Variants in STX18 observed in about 807,000 individuals in gnomAD.
The protein encoded by STX18 is syntaxin-18.
In STX18, 40 loss-of-function variants were observed where a neutral mutation model predicts 50.1. That is an observed-to-expected ratio of 0.80 (90% CI 0.62 to 1.04). STX18 has a LOEUF of 1.04. Among genes scored for constraint, STX18 ranks in the 50% least tolerant of loss-of-function variants. STX18 has a pLI of 0.00. For synonymous variants in STX18, 158 were observed against 151.8 expected, an observed-to-expected ratio of 1.04 and a Z score of -0.30; for missense variants, 410 against 415.8, an observed-to-expected ratio of 0.99 and a Z score of 0.12.
At chr4:4,484,740 C>A (rs1577364469) in intron 1 of STX18, among the ~76,000 whole-genome samples, 1 of 152,234 alleles carries the variant, frequency 6.6e-6, no homozygotes, top group South Asian at 2.1e-4. Context: ...ACCTGCCTAA[C>A]AACCCAATCC....
chr4:4,472,619 C>T (rs1727978458), intron 1 of STX18, among the ~76,000 whole-genome samples: 1 of 152,240 alleles, frequency 6.6e-6, no homozygotes, highest in Non-Finnish European at 1.5e-5. Context: ...AGGACTTCTG[C>T]ACACCACACT....
chr4:4,507,409 A>C (rs1330074499), intron 1 of STX18: 2 of 758,008 alleles, frequency 2.6e-6, no homozygotes, highest in Non-Finnish European at 4.9e-6. Flanking sequence ...TCCTCCACTG[A>C]AATCTTTCCA....
intron 5 of STX18, 62 bp from the exon 6 acceptor site, chr4:4,438,571 CAG>C: frequency 4.5e-6 from 6 of 1,343,264 alleles, no homozygotes; most frequent in Non-Finnish European, 6.3e-6. Context: ...TTTTTGAAAA[CAG>C]AAGGAGTCAC....
intron 5 of STX18, among the ~76,000 whole-genome samples, chr4:4,456,424 T>C (rs901635621): frequency 2.0e-5 from 3 of 152,200 alleles, no homozygotes; most frequent in African/African-American, 7.2e-5. Flanking sequence ...ACTGGCTGAG[T>C]TGCAGCGGGA....
intron 6 of STX18, among the ~76,000 whole-genome samples, chr4:4,436,100 A>G (rs761330715): frequency 1.3e-5 from 2 of 152,254 alleles, no homozygotes; most frequent in Non-Finnish European, 2.9e-5. Flanking sequence ...TGAGATGGCA[A>G]CAAGTCCAGA....
intron 3 of STX18, among the ~76,000 whole-genome samples, chr4:4,458,386 G>A (rs1265055252): frequency 6.6e-6 from 1 of 152,116 alleles, no homozygotes; most frequent in Non-Finnish European, 1.5e-5. Context: ...GGGGACTCAG[G>A]AGCTCTGTGA....
intron 1 of STX18, among the ~76,000 whole-genome samples, chr4:4,528,947 AT>A (rs924636557): frequency 7.2e-5 from 11 of 152,134 alleles, no homozygotes; most frequent in African/African-American, 2.7e-4. Flanking sequence ...GGGAATTACA[AT>A]TTTTTTTCAA....
intron 7 of STX18, among the ~76,000 whole-genome samples, chr4:4,434,125 C>T (rs1405828697): frequency 2.0e-5 from 3 of 152,242 alleles, no homozygotes; most frequent in Admixed American, 1.3e-4. Context: ...ACATTCCCCA[C>T]GTCTTAGAGG....
chr4:4,522,130 T>C (rs1730534536), intron 1 of STX18, among the ~76,000 whole-genome samples: 1 of 152,246 alleles, frequency 6.6e-6, no homozygotes, highest in Admixed American at 6.5e-5. Flanking sequence ...TCCTCACTAA[T>C]CATTAAATGG....
Position 4,457,503 on chromosome 4 carries a change from G to A in STX18, c.353-3C>T. 1 of 1,612,772 alleles carries A rather than the reference G, an allele frequency of 6.2e-7. No homozygotes were observed. Among genetic ancestry groups the A allele is most frequent in the African/African-American group, 1.3e-5 (1 of 75,004 alleles). ...CTGGGAATGTATCTCCTTGTGAGCT[G>A]TAACAGAAAAAGACAATGTTCAGGC... On this transcript the variant is annotated splice_polypyrimidine_tract_variant and splice_region_variant and intron_variant, in intron 3 of 10. Transcript: ENST00000306200.
intron 1 of STX18, among the ~76,000 whole-genome samples, chr4:4,498,119 A>G (rs1024338394): frequency 2.0e-5 from 3 of 152,216 alleles, no homozygotes; most frequent in African/African-American, 7.2e-5. Flanking sequence ...CCTTTTCTAG[A>G]TAAGGGGAAT....
intron 1 of STX18, among the ~76,000 whole-genome samples, chr4:4,529,903 G>A (rs1214120455): frequency 2.0e-5 from 3 of 152,098 alleles, no homozygotes; most frequent in Non-Finnish European, 4.4e-5. Flanking sequence ...AACATTTGTG[G>A]ATGATTTTCT....
intron 5 of STX18, among the ~76,000 whole-genome samples, chr4:4,447,457 A>G (rs71597714): frequency 0.083 from 12,422 of 149,614 alleles, 517 homozygotes; most frequent in African/African-American, 0.1. Flanking sequence ...CGGGCGTGGT[A>G]GCGGGCGCCT....
chr4:4,439,610 C>A (rs534368109), intron 5 of STX18, among the ~76,000 whole-genome samples: 17 of 147,800 alleles, frequency 1.2e-4, no homozygotes, highest in Admixed American at 1.0e-3. Flanking sequence ...CACATACCCC[C>A]CAACATATAT....
chr4:4,492,628 A>G (rs991277090), intron 1 of STX18, among the ~76,000 whole-genome samples: 6 of 152,200 alleles, frequency 3.9e-5, no homozygotes, highest in African/African-American at 1.4e-4. Context: ...AACACATCAT[A>G]AATCAAATTT....
chr4:4,495,350 C>T lies in STX18; in HGVS notation c.169-23644G>A, dbSNP rs116385755. On this transcript the variant is annotated intron_variant, in intron 1 of 10. Coordinates refer to ENST00000306200, the MANE Select transcript of STX18 (RefSeq NM_016930.4). ...TACAAATGATGGGGACGCAAGATGG[C>T]AGCTTTTCTTCTTTCTTTCCTGTCT... Among the ~76,000 whole-genome samples the T allele has an allele frequency of 8.5e-3, 1,294 of 152,106 alleles. 16 individuals carry two copies. Among genetic ancestry groups the T allele is most frequent in the African/African-American group, 0.03 (1,243 of 41,484 alleles).
chr4:4,535,922 C>T (rs1731308773), intron 1 of STX18, among the ~76,000 whole-genome samples: 1 of 152,206 alleles, frequency 6.6e-6, no homozygotes, highest in African/African-American at 2.4e-5. Flanking sequence ...CCCAGCTCAA[C>T]CTTTGGGTCC....
intron 5 of STX18, among the ~76,000 whole-genome samples, chr4:4,449,949 C>A (rs1726661950): frequency 6.6e-6 from 1 of 152,150 alleles, no homozygotes; most frequent in South Asian, 2.1e-4. Context: ...ACATTCTGAG[C>A]CCTTCCTTGT....
chr4:4,505,000 G>A (rs538677406), intron 1 of STX18, among the ~76,000 whole-genome samples: 6 of 152,058 alleles, frequency 3.9e-5, no homozygotes, highest in Non-Finnish European at 8.8e-5. Flanking sequence ...TGAAAGTTGT[G>A]CAATCATATT....
Sources: gnomAD v4.1 joint callset for allele counts (sites outside exome capture counted in the v4.1 genomes callset) on GRCh38, gnomAD v4.1.1 for gene constraint, MANE v1.5 for transcripts, NCBI Gene and HGNC (gene_info 2026-07-23, HGNC 2026-07-21) for gene names.